Variants in TEAD4 observed in about 807,000 individuals in gnomAD.
TEAD4 encodes transcriptional enhancer factor TEF-3.
A neutral mutation model predicts 52.4 loss-of-function variants in TEAD4; 36 were observed. The ratio of observed to expected loss-of-function variants is 0.69; its 90% CI spans 0.53 to 0.91. TEAD4 has a LOEUF of 0.91. TEAD4 is among the 40% of genes least tolerant of loss of function. The pLI is 0.00. For synonymous variants in TEAD4, 220 were observed against 231.0 expected (o/e 0.95, Z 0.43); for missense variants, 508 against 583.9 (o/e 0.87, Z 1.34).
Position 3,040,424 on chromosome 12 carries a change from G to A in TEAD4, c.1251G>A (p.Val417=). Residue 417 remains valine, a synonymous_variant, in exon 13 of 13, where the codon GTG becomes GTA. Transcript: ENST00000359864. The stretch of plus-strand genomic sequence containing the variant: ...TGTGCATTGCCTATGTCTTTGAGGT[G>A]TCAGCCAGTGAGCACGGGGCTCAGC... 1 of 1,614,164 alleles carries A rather than the reference G, an allele frequency of 6.2e-7. No homozygotes were observed. Among genetic ancestry groups the A allele is most frequent in the South Asian group, 1.1e-5 (1 of 91,084 alleles).
At chr12:2,965,583 G>C (rs947698116) in intron 2 of TEAD4, among the ~76,000 whole-genome samples, 1 of 151,982 alleles carries the variant, frequency 6.6e-6, no homozygotes, top group African/African-American at 2.4e-5. Context: ...ACGGAGTCTC[G>C]CTCTTTCGCC....
At chr12:3,020,507 T>G in intron 8 of TEAD4, 127 bp from the exon 9 acceptor site, 5 of 1,201,784 alleles carry the variant, frequency 4.2e-6, no homozygotes, top group Non-Finnish European at 5.5e-6. Flanking sequence ...AGGAGGTCCA[T>G]TTAGGGAGAC....
intron 10 of TEAD4, among the ~76,000 whole-genome samples, chr12:3,034,923 A>G (rs1591601336): frequency 6.8e-6 from 1 of 146,384 alleles, no homozygotes; most frequent in Non-Finnish European, 1.5e-5. Flanking sequence ...GTGAAACCCC[A>G]CCTCTACTAA....
intron 2 of TEAD4, among the ~76,000 whole-genome samples, chr12:2,988,205 T>C (rs2098240189): frequency 6.6e-6 from 1 of 152,122 alleles, no homozygotes; most frequent in African/African-American, 2.4e-5. Flanking sequence ...ATTTAGGTAT[T>C]ATGACACTGT....
intron 10 of TEAD4, among the ~76,000 whole-genome samples, chr12:3,025,496 A>G (rs2098271536): frequency 6.6e-6 from 1 of 151,956 alleles, no homozygotes; most frequent in African/African-American, 2.4e-5. Context: ...AATCTAGATC[A>G]TACATCATTT....
chr12:3,003,958 A>G (rs3825362), intron 3 of TEAD4, among the ~76,000 whole-genome samples: 15,235 of 152,240 alleles, frequency 0.1, 1,649 homozygotes, highest in African/African-American at 0.23. Flanking sequence ...TCTCACTGCC[A>G]TGGCCCTTCT....
chr12:2,987,038 C>G lies in TEAD4; in HGVS notation c.-29-7700C>G, dbSNP rs1335945902. Among the ~76,000 whole-genome samples the G allele has an allele frequency of 3.6e-4, 54 of 152,054 alleles. 1 individual carries two copies. On this transcript the variant is annotated intron_variant, in intron 2 of 12. Transcript: ENST00000359864. Reference sequence around the variant, plus strand: ...GAGTGGTTCATTTCCTGAGAGAGAGCCGAGGAGGTGGAACAGGATATGGGG... The same window carrying G: ...GAGTGGTTCATTTCCTGAGAGAGAGGCGAGGAGGTGGAACAGGATATGGGG...
At chr12:3,033,618 C>T (rs2098277327) in intron 10 of TEAD4, among the ~76,000 whole-genome samples, 1 of 152,218 alleles carries the variant, frequency 6.6e-6, no homozygotes, top group Admixed American at 6.5e-5. Flanking sequence ...GACAATGAAT[C>T]TGAGCCCCTC....
intron 10 of TEAD4, among the ~76,000 whole-genome samples, chr12:3,029,749 C>T (rs564522681): frequency 1.5e-4 from 23 of 152,212 alleles, no homozygotes; most frequent in African/African-American, 5.5e-4. Context: ...TCCAGTTTAT[C>T]AAGTTTTCCT....
intron 2 of TEAD4, among the ~76,000 whole-genome samples, chr12:2,991,856 A>G (rs1443835635): frequency 1.3e-5 from 2 of 152,004 alleles, no homozygotes; most frequent in Admixed American, 6.6e-5. Context: ...TAAAAAGGCC[A>G]GTGACTCTGA....
intron 2 of TEAD4, among the ~76,000 whole-genome samples, chr12:2,982,166 C>T (rs1032964108): frequency 1.3e-5 from 2 of 152,286 alleles, no homozygotes; most frequent in East Asian, 3.9e-4. Context: ...CATCCTGATT[C>T]CCTTCCTGTC....
At chr12:2,968,021 C>T (rs544279114) in intron 2 of TEAD4, among the ~76,000 whole-genome samples, 2 of 151,708 alleles carry the variant, frequency 1.3e-5, no homozygotes, top group East Asian at 3.9e-4. Flanking sequence ...AAGTATTGAG[C>T]TCGCCATTTT....
At chr12:3,028,573 T>C (rs2098273467) in intron 10 of TEAD4, among the ~76,000 whole-genome samples, 1 of 152,246 alleles carries the variant, frequency 6.6e-6, no homozygotes, top group Admixed American at 6.5e-5. Flanking sequence ...CATCTTTTCA[T>C]GTGCTTACTG....
intron 7 of TEAD4, 129 bp downstream of exon 7, chr12:3,018,717 C>G: frequency 1.7e-6 from 2 of 1,153,876 alleles, no homozygotes; most frequent in East Asian, 2.4e-5. Context: ...TTCAGGATGG[C>G]TCTGAGCTCA....
chr12:3,018,738 T>C, intron 7 of TEAD4, 150 bp downstream of exon 7: 3 of 949,046 alleles, frequency 3.2e-6, no homozygotes. Context: ...GGGATTGGGC[T>C]CTTCTACTGT....
Position 3,021,870 on chromosome 12 carries a change from TG to T in TEAD4, c.752del (p.Gly251AlafsTer46). 6.2e-7 allele frequency: 1 copy of T among 1,614,186 alleles called. No individual in the cohort carries two copies. Among genetic ancestry groups the T allele is most frequent in the Non-Finnish European group, 8.5e-7 (1 of 1,180,034 alleles). On this transcript the variant is annotated frameshift_variant, in exon 10 of 13. Coordinates refer to ENST00000359864, the MANE Select transcript of TEAD4 (RefSeq NM_003213.4). LOFTEE classifies it high-confidence loss of function. ...ACAACAAGCACCTGTTCGTGCACAT[TG>T]GCCAGTCCAGCCCAAGCTACAGCGA...
At chr12:3,021,732 C>G in intron 9 of TEAD4, 112 bp from the exon 10 acceptor site, 1 of 1,133,128 alleles carries the variant, frequency 8.8e-7, no homozygotes, top group East Asian at 2.4e-5. Flanking sequence ...AACTATGGCC[C>G]AGAAAGGCCA....
chr12:2,964,493 T>C (rs1048938043), intron 2 of TEAD4, among the ~76,000 whole-genome samples: 10 of 151,722 alleles, frequency 6.6e-5, no homozygotes, highest in East Asian at 5.8e-4. Context: ...GTTTTGCTTT[T>C]GTTGCCCAGG....
intron 2 of TEAD4, among the ~76,000 whole-genome samples, chr12:2,974,894 C>A (rs1402309043): frequency 1.3e-5 from 2 of 152,134 alleles, no homozygotes; most frequent in African/African-American, 4.8e-5. Flanking sequence ...TGACGGAATT[C>A]CAGGGCAAGT....
Sources: gnomAD v4.1 joint callset for allele counts (sites outside exome capture counted in the v4.1 genomes callset) on GRCh38, gnomAD v4.1.1 for gene constraint, MANE v1.5 for transcripts, NCBI Gene and HGNC (gene_info 2026-07-23, HGNC 2026-07-21) for gene names.